The following ABLIM1 variants were observed in gnomAD, a reference collection of about 807,000 sequenced individuals.
ABLIM1 encodes the protein actin-binding LIM protein 1.
ABLIM1 carries 40 observed loss-of-function variants against 107.0 expected under a neutral mutation model. The observed-to-expected ratio is 0.37, with a 90% CI of 0.29 to 0.49. The LOEUF (loss-of-function observed/expected upper bound fraction) is 0.49, where lower values mean the gene tolerates loss of function less well. ABLIM1 is among the 20% of genes least tolerant of loss of function. The pLI, the probability that ABLIM1 is intolerant of heterozygous loss-of-function variation, is 0.97. For missense variants in ABLIM1, 857 were observed against 1,008.5 expected, an observed-to-expected ratio of 0.85 and a Z score of 2.04; for synonymous variants, 357 against 357.3, an observed-to-expected ratio of 1.00 and a Z score of 0.01.
chr10:114,739,521 C>T (rs2082245929), intron 1 of ABLIM1, among the ~76,000 whole-genome samples: 1 of 152,064 alleles, frequency 6.6e-6, no homozygotes, highest in African/African-American at 2.4e-5. Context: ...AGAACAAAAG[C>T]ATTGTTTGAA....
chr10:114,792,002 A>G, the ABLIM1 span, among the ~76,000 whole-genome samples: 1 of 152,212 alleles, frequency 6.6e-6, no homozygotes, highest in African/African-American at 2.4e-5. Context: ...CCAATGTGGA[A>G]ATGAGGAAAC....
At chr10:114,506,406 G>A (rs1367472633) in intron 6 of ABLIM1, among the ~76,000 whole-genome samples, 1 of 152,186 alleles carries the variant, frequency 6.6e-6, no homozygotes, top group Non-Finnish European at 1.5e-5. Flanking sequence ...TCAAATGGTA[G>A]CTCTGTTTTA....
rs1229672213 is a variant in ABLIM1 at position 114,434,210 on chromosome 10, A to C, written c.*2050T>G. On this transcript the variant is annotated 3_prime_UTR_variant, in exon 23 of 23. Transcript: ENST00000533213. ...GCAAACTGCAGTGTGGCTTCCAACC[A>C]AGCAAGAGCTGGTCTCATCTGCTCA... is the stretch of plus-strand genomic sequence containing the variant. 6.6e-6 allele frequency: 1 copy of C among 151,664 alleles called. No homozygotes were observed. The highest frequency in any genetic ancestry group is 1.5e-5 in the Non-Finnish European group (1 of 67,962). 9.4% of individuals were successfully genotyped at this position (151,664 alleles called of 1,614,324 possible). A position where few individuals can be genotyped will look rare whatever the true frequency, so the allele number is the denominator to read the frequency against.
chr10:114,601,389 C>T (rs1219882124), intron 2 of ABLIM1, among the ~76,000 whole-genome samples: 2 of 151,942 alleles, frequency 1.3e-5, no homozygotes, highest in Non-Finnish European at 2.9e-5. Flanking sequence ...CTCAGCCCTC[C>T]AGAGTAGCTG....
intron 2 of ABLIM1, among the ~76,000 whole-genome samples, chr10:114,576,517 A>G (rs1356363802): frequency 6.6e-6 from 1 of 152,176 alleles, no homozygotes; most frequent in Non-Finnish European, 1.5e-5. Context: ...TTTGGTATTC[A>G]GTTGGGGTGG....
At chr10:114,729,060 C>A (rs570748896) in intron 1 of ABLIM1, among the ~76,000 whole-genome samples, 27 of 152,016 alleles carry the variant, frequency 1.8e-4, no homozygotes, top group African/African-American at 6.0e-4. Context: ...TCTGCGTAGC[C>A]AAGTTACAGG....
At chr10:114,469,642 T>C (rs1322104089) in intron 10 of ABLIM1, among the ~76,000 whole-genome samples, 1 of 152,200 alleles carries the variant, frequency 6.6e-6, no homozygotes, top group Non-Finnish European at 1.5e-5. Flanking sequence ...TACCACTCTG[T>C]AAAATTATAT....
rs180727581 is a variant in ABLIM1, at chr10:114,436,745, G to A, written c.2224-372C>T. Among the ~76,000 whole-genome samples the A allele has an allele frequency of 1.7e-3, 257 of 152,132 alleles. 2 individuals carry two copies. The highest frequency in any genetic ancestry group is 6.0e-3 in the African/African-American group (247 of 41,510). On this transcript the variant is annotated intron_variant, in intron 22 of 22. Coordinates refer to ENST00000533213, the MANE Select transcript of ABLIM1 (RefSeq NM_002313.7). ...AAAGCCAAAGAAAATGACCTCCAGCGTGGTCCCTGGGGAGCCCCAGGGCTT... is the reference window on the plus strand; with the variant it reads ...AAAGCCAAAGAAAATGACCTCCAGCATGGTCCCTGGGGAGCCCCAGGGCTT...
At chr10:114,527,569 G>A (rs979428758) in intron 6 of ABLIM1, among the ~76,000 whole-genome samples, 1 of 152,140 alleles carries the variant, frequency 6.6e-6, no homozygotes, top group African/African-American at 2.4e-5. Flanking sequence ...TGAACAGAGA[G>A]GAGGAACTGG....
the ABLIM1 span, among the ~76,000 whole-genome samples, chr10:114,798,148 C>T: frequency 6.6e-6 from 1 of 152,176 alleles, no homozygotes; most frequent in Non-Finnish European, 1.5e-5. Flanking sequence ...TGGCCGGGCG[C>T]GGTGGCTCAT....
intron 1 of ABLIM1, among the ~76,000 whole-genome samples, chr10:114,637,506 C>A (rs1464657142): frequency 6.6e-6 from 1 of 152,168 alleles, no homozygotes; most frequent in Non-Finnish European, 1.5e-5. Context: ...CAATGCCCGG[C>A]AAAGTTCTTT....
chr10:114,469,579 C>A (rs2066039409), intron 10 of ABLIM1, among the ~76,000 whole-genome samples: 1 of 152,222 alleles, frequency 6.6e-6, no homozygotes, highest in Non-Finnish European at 1.5e-5. Flanking sequence ...AGAGGAGCAA[C>A]CCAGCCCCTG....
intron 5 of ABLIM1, among the ~76,000 whole-genome samples, chr10:114,545,746 G>A (rs900720335): frequency 2.0e-5 from 3 of 151,850 alleles, no homozygotes; most frequent in Non-Finnish European, 4.4e-5. Context: ...CCAACATGGG[G>A]AAGCCCTGTT....
At chr10:114,580,648 A>T (rs560914251) in intron 2 of ABLIM1, among the ~76,000 whole-genome samples, 26 of 152,350 alleles carry the variant, frequency 1.7e-4, no homozygotes, top group East Asian at 7.7e-4. Context: ...TTATACTCTG[A>T]CAAAGGCATT....
At chr10:114,441,909 G>A (rs971521769) in intron 17 of ABLIM1, 123 bp from the exon 18 acceptor site, 22 of 815,832 alleles carry the variant, frequency 2.7e-5, no homozygotes, top group Non-Finnish European at 4.2e-5. Flanking sequence ...ATCATATTGG[G>A]CTCAAATGTT....
At chr10:114,437,782 GGA>G in intron 22 of ABLIM1, 60 bp downstream of exon 22, 1 of 1,361,734 alleles carries the variant, frequency 7.3e-7, no homozygotes, top group Non-Finnish European at 1.0e-6. Context: ...ATTGCTTAGG[GGA>G]GAGTTGGGGG....
At chr10:114,609,865 C>T (rs765491190) in intron 1 of ABLIM1, among the ~76,000 whole-genome samples, 9 of 152,120 alleles carry the variant, frequency 5.9e-5, no homozygotes, top group Non-Finnish European at 1.5e-5. Flanking sequence ...TCACAATTGC[C>T]GTAGGAGGGA....
intron 1 of ABLIM1, among the ~76,000 whole-genome samples, chr10:114,694,561 A>G (rs1248301049): frequency 6.6e-6 from 1 of 152,172 alleles, no homozygotes; most frequent in African/African-American, 2.4e-5. Flanking sequence ...ACGTATCTCC[A>G]TATTCTCACC....
intron 1 of ABLIM1, among the ~76,000 whole-genome samples, chr10:114,733,747 T>C (rs1265929893): frequency 1.3e-5 from 2 of 152,230 alleles, no homozygotes; most frequent in East Asian, 3.8e-4. Flanking sequence ...ATCAGAAACA[T>C]ACGCCTCCAT....
Sources: gnomAD v4.1 joint callset for allele counts (sites outside exome capture counted in the v4.1 genomes callset) on GRCh38, gnomAD v4.1.1 for gene constraint, MANE v1.5 for transcripts, NCBI Gene and HGNC (gene_info 2026-07-23, HGNC 2026-07-21) for gene names.